Variants in ATP2B2 observed in about 807,000 individuals in gnomAD.
ATP2B2 encodes plasma membrane calcium-transporting ATPase 2.
A neutral mutation model predicts 120.0 loss-of-function variants in ATP2B2; 15 were observed. That is an observed-to-expected ratio of 0.12 (90% CI 0.08 to 0.19). The LOEUF (loss-of-function observed/expected upper bound fraction) is 0.19, where lower values mean the gene tolerates loss of function less well. Ranked by LOEUF, ATP2B2 falls within the 10% of genes least tolerant of loss-of-function variation. The pLI is 1.00. For missense variants in ATP2B2, 1,045 were observed against 1,719.8 expected (o/e 0.61, Z 6.94); for synonymous variants, 694 against 700.3 (o/e 0.99, Z 0.14).
intron 1 of ATP2B2, among the ~76,000 whole-genome samples, chr3:10,633,962 C>G (rs978793735): frequency 1.3e-5 from 2 of 152,176 alleles, no homozygotes; most frequent in African/African-American, 2.4e-5. Flanking sequence ...GACTTCCGCT[C>G]AAAGGATCCC....
At chr3:10,619,393 C>G (rs768969170) in intron 2 of ATP2B2, among the ~76,000 whole-genome samples, 1 of 152,124 alleles carries the variant, frequency 6.6e-6, no homozygotes, top group Non-Finnish European at 1.5e-5. Flanking sequence ...GGCTTCAAAC[C>G]GAAAATGCCC....
At chr3:10,695,215 C>T (rs866792295) in intron 1 of ATP2B2, among the ~76,000 whole-genome samples, 14 of 139,208 alleles carry the variant, frequency 1.0e-4, no homozygotes, top group African/African-American at 4.0e-4. Flanking sequence ...TAAGGCACAT[C>T]TTACATGGAT....
chr3:10,445,149 A>G (rs989316268), intron 2 of ATP2B2, among the ~76,000 whole-genome samples: 3 of 152,248 alleles, frequency 2.0e-5, no homozygotes, highest in African/African-American at 7.2e-5. Context: ...TATAATAACA[A>G]TGATAATAAA....
chr3:10,473,814 G>T (rs1252467431), intron 1 of ATP2B2, among the ~76,000 whole-genome samples: 1 of 152,220 alleles, frequency 6.6e-6, no homozygotes, highest in Non-Finnish European at 1.5e-5. Context: ...AGGCCACGTG[G>T]CTGGGGCTTG....
intron 5 of ATP2B2, among the ~76,000 whole-genome samples, chr3:10,389,504 A>G (rs940087021): frequency 5.9e-5 from 9 of 152,208 alleles, no homozygotes; most frequent in Non-Finnish European, 8.8e-5. Context: ...GCCAGCCACA[A>G]AAGGACCATA....
At chr3:10,576,891 C>A (rs907283319) in intron 2 of ATP2B2, among the ~76,000 whole-genome samples, 4 of 151,774 alleles carry the variant, frequency 2.6e-5, no homozygotes, top group Non-Finnish European at 4.4e-5. Context: ...GGTGAAACCC[C>A]GTCTCTACTA....
At chr3:10,641,786 G>C (rs1257999005) in intron 1 of ATP2B2, among the ~76,000 whole-genome samples, 5 of 152,154 alleles carry the variant, frequency 3.3e-5, no homozygotes, top group Non-Finnish European at 7.4e-5. Context: ...AAGTCTAAAA[G>C]TGTAGGAGAG....
chr3:10,580,984 C>A (rs1382156789), intron 2 of ATP2B2, among the ~76,000 whole-genome samples: 1 of 152,212 alleles, frequency 6.6e-6, no homozygotes, highest in Non-Finnish European at 1.5e-5. Flanking sequence ...TGACCCCCGT[C>A]ATAGATTAAG....
At chr3:10,697,093 G>A (rs1297004305) in intron 1 of ATP2B2, among the ~76,000 whole-genome samples, 2 of 152,146 alleles carry the variant, frequency 1.3e-5, no homozygotes, top group Non-Finnish European at 2.9e-5. Context: ...AGTCAGATTC[G>A]ATGCCAAAGA....
In ATP2B2 at chr3:10,682,833, C is replaced by G. The variant is rs114428360; in HGVS notation, c.-460+25082G>C. On this transcript the variant is annotated intron_variant, in intron 1 of 21. Transcript: ENST00000646379. ...TTACTGGGTCAGGTCATGATCCCACCGGCTTCTGATGGGACAACCACAGGC... is the reference window on the plus strand; with the variant it reads ...TTACTGGGTCAGGTCATGATCCCACGGGCTTCTGATGGGACAACCACAGGC... 9.1e-3 allele frequency among the ~76,000 whole-genome samples: 1,386 copies of G among 152,310 alleles called. 18 individuals are homozygous for G. The highest frequency in any genetic ancestry group is 0.049 in the South Asian group (235 of 4,822).
intron 3 of ATP2B2, among the ~76,000 whole-genome samples, chr3:10,531,888 G>A (rs1164106469): frequency 6.6e-6 from 1 of 152,040 alleles, no homozygotes; most frequent in Non-Finnish European, 1.5e-5. Flanking sequence ...GCTGCCCTTG[G>A]AGAAACTTAG....
At chr3:10,377,586 C>T (rs1190627416) in intron 10 of ATP2B2, among the ~76,000 whole-genome samples, 1 of 152,220 alleles carries the variant, frequency 6.6e-6, no homozygotes, top group African/African-American at 2.4e-5. Context: ...TGTCACCAGC[C>T]ATCACCTGCA....
rs187545304 is a variant in ATP2B2 at position 10,488,724 on chromosome 3, T to C, written c.-320+16741A>G. 4.2e-3 allele frequency among the ~76,000 whole-genome samples: 642 copies of C among 152,246 alleles called. 17 individuals carry two copies. The highest frequency in any genetic ancestry group is 7.1e-4 in the Non-Finnish European group (48 of 68,008). On this transcript the variant is annotated intron_variant, in intron 1 of 22. Coordinates refer to ENST00000360273, the MANE Select transcript of ATP2B2 (RefSeq NM_001001331.4). ...GCTCTACCTCTGAAGCTATCCTGAA[T>C]GTGACCCTCTTTCTCCACCTCCAGT...
chr3:10,326,596 A>G lies in ATP2B2; in HGVS notation c.*2218T>C, dbSNP rs2059861696. The stretch of plus-strand genomic sequence containing the variant: ...CACGTGCAGATCTTTCCTTCCTTGT[A>G]GGAGAGCAGTGGGCTGGCTTTGGTG... On this transcript the variant is annotated 3_prime_UTR_variant, in exon 23 of 23. Transcript: ENST00000360273. The G allele has an allele frequency of 2.5e-6, 1 of 397,968 alleles. No homozygotes were observed. Among genetic ancestry groups the G allele is most frequent in the Admixed American group, 4.4e-5 (1 of 22,710 alleles). The allele number at this position is 397,968 out of a possible 1,614,324, so 24.7% of individuals were successfully genotyped here.
chr3:10,348,787 C>T (rs192672003), intron 16 of ATP2B2, among the ~76,000 whole-genome samples: 36 of 152,358 alleles, frequency 2.4e-4, no homozygotes, highest in African/African-American at 8.4e-4. Flanking sequence ...TCAATGCCTG[C>T]TGCGTGCAGC....
intron 15 of ATP2B2, 53 bp downstream of exon 15, chr3:10,350,345 C>A: frequency 1.2e-6 from 2 of 1,612,516 alleles, no homozygotes; most frequent in South Asian, 2.2e-5. Context: ...CCCTACCTCC[C>A]AGCTCCCATC....
intron 1 of ATP2B2, among the ~76,000 whole-genome samples, chr3:10,683,882 G>A (rs1468670833): frequency 4.1e-5 from 6 of 147,858 alleles, no homozygotes; most frequent in Non-Finnish European, 7.5e-5. Context: ...CGGCATCCTC[G>A]AACTCCTGGC....
Position 10,416,191 on chromosome 3 carries a change from C to T in ATP2B2, c.200-5376G>A, listed in dbSNP as rs573215837. ...CCATGTATGTAAAAGAAGACAGCCA[C>T]GGCGCAAAGTGAGGGACTGGCTGTA... is the stretch of plus-strand genomic sequence containing the variant. On this transcript the variant is annotated intron_variant, in intron 2 of 22. Transcript: ENST00000360273. 1.1e-4 allele frequency among the ~76,000 whole-genome samples: 17 copies of T among 152,304 alleles called. 1 individual carries two copies. In the South Asian group the frequency reaches 2.3e-3, roughly 20 times the overall value.
chr3:10,435,864 G>T (rs1268324646), intron 2 of ATP2B2, among the ~76,000 whole-genome samples: 4 of 152,130 alleles, frequency 2.6e-5, no homozygotes, highest in African/African-American at 9.7e-5. Context: ...AAATAAAAAA[G>T]ATATTATAAA....
Sources: gnomAD v4.1 joint callset for allele counts (sites outside exome capture counted in the v4.1 genomes callset) on GRCh38, gnomAD v4.1.1 for gene constraint, MANE v1.5 for transcripts, NCBI Gene and HGNC (gene_info 2026-07-23, HGNC 2026-07-21) for gene names.